Variants in ALMS1 observed in about 807,000 individuals in gnomAD.
The protein encoded by ALMS1 is centrosome-associated protein ALMS1.
A neutral mutation model predicts 352.2 loss-of-function variants in ALMS1; 271 were observed. The observed-to-expected ratio is 0.77, with a 90% CI of 0.70 to 0.85. The LOEUF is 0.85. Among genes scored for constraint, ALMS1 ranks in the 40% least tolerant of loss-of-function variants. ALMS1 has a pLI of 0.00. For missense variants in ALMS1, 5,445 were observed against 4,870.7 expected (o/e 1.12, Z -3.51); for synonymous variants, 1,865 against 1,761.2 (o/e 1.06, Z -1.48).
intron 16 of ALMS1, among the ~76,000 whole-genome samples, chr2:73,593,006 A>G (rs1326102819): frequency 6.6e-6 from 1 of 152,170 alleles, no homozygotes; most frequent in African/African-American, 2.4e-5. Context: ...ATGGTGGCTG[A>G]TAATGCCATT....
At chr2:73,568,637 A>G (rs1674851294) in intron 15 of ALMS1, among the ~76,000 whole-genome samples, 1 of 152,218 alleles carries the variant, frequency 6.6e-6, no homozygotes, top group Non-Finnish European at 1.5e-5. Context: ...AGAAAGTGGA[A>G]CTAGGAGGTT....
Position 73,573,097 on chromosome 2 carries a change from A to G in ALMS1, c.11220A>G (p.Ser3740=), listed in dbSNP as rs1674977838. The G allele has an allele frequency of 6.2e-7, 1 of 1,614,088 alleles. No individual in the cohort carries two copies. The highest frequency in any genetic ancestry group is 1.6e-4 in the Middle Eastern group (1 of 6,062). ...ACACTTCTTCGGATTGTCGGCCCTC[A>G]GAGGAGAGTGAGCTGCTCACAGATA... is the stretch of plus-strand genomic sequence containing the variant. The part of the protein sequence containing the change: ...ISNTSSDCRP[S]EESELLTDTT... Residue 3740 remains serine (S), a synonymous_variant, in exon 16 of 23, where the codon TCA becomes TCG. Transcript: ENST00000613296.
intron 13 of ALMS1, 88 bp from the exon 14 acceptor site, chr2:73,557,132 G>T: frequency 6.3e-7 from 1 of 1,578,390 alleles, no homozygotes. Flanking sequence ...TGGGTTTGGG[G>T]TTTTGTTTGT....
chr2:73,565,912 A>G (rs1386366245), intron 15 of ALMS1, among the ~76,000 whole-genome samples: 1 of 152,226 alleles, frequency 6.6e-6, no homozygotes, highest in African/African-American at 2.4e-5. Context: ...CTAAGGAGAC[A>G]TGATAATTAA....
intron 1 of ALMS1, among the ~76,000 whole-genome samples, chr2:73,398,056 A>G (rs1670798709): frequency 6.6e-6 from 1 of 152,234 alleles, no homozygotes; most frequent in Admixed American, 6.5e-5. Flanking sequence ...CACCAAACCC[A>G]AGGACATCTA....
Position 73,451,841 on chromosome 2 carries a change from G to C in ALMS1, c.5314G>C (p.Glu1772Gln), listed in dbSNP as rs2103786011. ...TEKPNISYQQ[E>Q]LPDSHLTEEA... ...GAAGCCTAATATTTCTTACCAGCAA[G>C]AGTTGCCAGATAGTCATCTAACTGA... The change falls in exon 8 of 23, where the codon GAG becomes CAG. Residue 1772 changes from glutamate (E) to glutamine (Q), a missense_variant. Physicochemically the swap from Glu to Gln is conservative, Grantham distance 29 (BLOSUM62 2). Coordinates refer to ENST00000613296, the MANE Select transcript of ALMS1 (RefSeq NM_001378454.1). The C allele has an allele frequency of 6.2e-7, 1 of 1,613,940 alleles. No individual in the cohort carries two copies. Among genetic ancestry groups the C allele is most frequent in the East Asian group, 2.2e-5 (1 of 44,860 alleles).
intron 21 of ALMS1, among the ~76,000 whole-genome samples, chr2:73,607,026 G>C (rs567700128): frequency 2.0e-5 from 3 of 152,176 alleles, no homozygotes; most frequent in Non-Finnish European, 2.9e-5. Context: ...CCAGATTATA[G>C]AAAACTTTAG....
chr2:73,485,731 G>C (rs1429801544), intron 9 of ALMS1, among the ~76,000 whole-genome samples: 2 of 152,044 alleles, frequency 1.3e-5, no homozygotes, highest in Admixed American at 1.3e-4. Flanking sequence ...GCGAGACTCC[G>C]TGGGCCTAGG....
chr2:73,510,256 C>G (rs919851348), intron 10 of ALMS1, among the ~76,000 whole-genome samples: 2 of 152,098 alleles, frequency 1.3e-5, no homozygotes, highest in African/African-American at 4.8e-5. Flanking sequence ...AGTTTTGTTG[C>G]TGGTGAGAGT....
intron 11 of ALMS1, among the ~76,000 whole-genome samples, chr2:73,526,801 G>C (rs766461447): frequency 2.0e-5 from 3 of 152,090 alleles, no homozygotes; most frequent in Non-Finnish European, 4.4e-5. Flanking sequence ...GACTTCCAGT[G>C]CTATGTTGAA....
intron 9 of ALMS1, among the ~76,000 whole-genome samples, chr2:73,482,452 T>A (rs1229188188): frequency 6.6e-6 from 1 of 152,168 alleles, no homozygotes; most frequent in Non-Finnish European, 1.5e-5. Flanking sequence ...TGGATAAGCT[T>A]TTCGGTGTGC....
intron 13 of ALMS1, among the ~76,000 whole-genome samples, chr2:73,555,383 A>G (rs566735872): frequency 4.1e-4 from 63 of 152,342 alleles, no homozygotes; most frequent in African/African-American, 1.5e-3. Flanking sequence ...GAACTATTCA[A>G]TAGAGTTTGA....
At chr2:73,427,699 A>G (rs1671410312) in intron 6 of ALMS1, among the ~76,000 whole-genome samples, 1 of 151,926 alleles carries the variant, frequency 6.6e-6, no homozygotes. Context: ...ATTCTTTTAT[A>G]GAAGGCTTTT....
intron 10 of ALMS1, among the ~76,000 whole-genome samples, chr2:73,510,290 G>A (rs1182497990): frequency 6.6e-6 from 1 of 152,116 alleles, no homozygotes; most frequent in Non-Finnish European, 1.5e-5. Flanking sequence ...AGGAGAAGAG[G>A]CATTCTGGTT....
intron 9 of ALMS1, among the ~76,000 whole-genome samples, chr2:73,487,283 G>A (rs1672871005): frequency 1.3e-5 from 2 of 152,312 alleles, no homozygotes; most frequent in Middle Eastern, 3.4e-3. Flanking sequence ...GGGCAAGCAA[G>A]TGTGGGGTCT....
At chr2:73,539,350 A>G (rs1674108492) in intron 12 of ALMS1, among the ~76,000 whole-genome samples, 1 of 152,216 alleles carries the variant, frequency 6.6e-6, no homozygotes, top group African/African-American at 2.4e-5. Flanking sequence ...AACAGAAAGG[A>G]CATCCACACC....
At chr2:73,594,915 C>T (rs1394940525) in intron 16 of ALMS1, among the ~76,000 whole-genome samples, 1 of 152,132 alleles carries the variant, frequency 6.6e-6, no homozygotes, top group East Asian at 1.9e-4. Flanking sequence ...ATATGTCCCT[C>T]TCAGCTAAGC....
chr2:73,465,176 C>CCA (rs1343836062), intron 9 of ALMS1, among the ~76,000 whole-genome samples: 6 of 152,140 alleles, frequency 3.9e-5, no homozygotes, highest in African/African-American at 1.4e-4. Context: ...GCCTGCATCG[C>CCA]CAAGTCAATC....
rs11395837 is a variant in ALMS1 at position 73,414,489 on chromosome 2, G to GTTTTTTTTTTTTTGT, written c.451-4624_451-4623insTTTGTTTTTTTTTTT. ...TTTTTTTCCGTTTTTTTTTTTTTTT[G>GTTTTTTTTTTTTTGT]TTTTTTTTTTGCTTTATTACACTGG... On this transcript the variant is annotated intron_variant, in intron 2 of 22. Transcript: ENST00000613296. Among the ~76,000 whole-genome samples, 52 of 94,242 alleles carry GTTTTTTTTTTTTTGT rather than the reference G, an allele frequency of 5.5e-4. 1 individual carries two copies. Among genetic ancestry groups the GTTTTTTTTTTTTTGT allele is most frequent in the East Asian group, 2.7e-3 (8 of 3,018 alleles). 61.8% of individuals were successfully genotyped at this position (94,242 alleles called of 152,430 possible). A position where few individuals can be genotyped will look rare whatever the true frequency, so the allele number is the denominator to read the frequency against.
Sources: allele counts gnomAD v4.1 joint callset (sites outside exome capture counted in the v4.1 genomes callset), GRCh38; gene constraint gnomAD v4.1.1; transcripts MANE v1.5; gene names NCBI Gene and HGNC (gene_info 2026-07-23, HGNC 2026-07-21).